The following KLF12 variants were observed in gnomAD, a reference collection of about 807,000 sequenced individuals.
KLF12 encodes the protein KLF transcription factor 12.
KLF12 carries 9 observed loss-of-function variants against 37.8 expected under a neutral mutation model. That is an observed-to-expected ratio of 0.24 (90% CI 0.14 to 0.42). The LOEUF (loss-of-function observed/expected upper bound fraction) is 0.42, where lower values mean the gene tolerates loss of function less well. Ranked by LOEUF, KLF12 falls within the 10% of genes least tolerant of loss-of-function variation. The probability of loss-of-function intolerance (pLI) is 1.00; values close to 1 mark genes in which losing one functional copy is unlikely to be tolerated. For missense variants in KLF12, 411 were observed against 516.0 expected, an observed-to-expected ratio of 0.80 and a Z score of 1.97; for synonymous variants, 208 against 202.1, an observed-to-expected ratio of 1.03 and a Z score of -0.25.
rs75094796 is a variant in KLF12, at chr13:74,082,519, T to G, written c.-32+51220A>C. Reference sequence around the variant, plus strand: ...CCACACTTGGTTCTCCCCAACCCTTTTTTTTCCAACCCCTCTGACACCCTC... The same window carrying G: ...CCACACTTGGTTCTCCCCAACCCTTGTTTTTCCAACCCCTCTGACACCCTC... On this transcript the variant is annotated intron_variant, in intron 1 of 7. Coordinates refer to ENST00000377669, the MANE Select transcript of KLF12 (RefSeq NM_007249.5). Among the ~76,000 whole-genome samples, 1,034 of 152,276 alleles carry G rather than the reference T, an allele frequency of 6.8e-3. 15 individuals carry two copies. Among genetic ancestry groups the G allele is most frequent in the African/African-American group, 0.024 (978 of 41,550 alleles).
At chr13:73,802,597 A>G (rs1317791095) in intron 5 of KLF12, among the ~76,000 whole-genome samples, 1 of 152,104 alleles carries the variant, frequency 6.6e-6, no homozygotes, top group East Asian at 1.9e-4. Flanking sequence ...ATAGTACCCA[A>G]GAGTTAATTT....
chr13:74,218,953 AAAAT>A, the KLF12 span, among the ~76,000 whole-genome samples: 8,301 of 123,122 alleles, frequency 0.067, 273 homozygotes, highest in Non-Finnish European at 0.094. Context: ...TAAACTTATA[AAAAT>A]AAGAGTTTTT....
chr13:73,898,428 ATAACCACTTCCTATT>A (rs1887889212), intron 3 of KLF12, among the ~76,000 whole-genome samples: 1 of 152,218 alleles, frequency 6.6e-6, no homozygotes, highest in African/African-American at 2.4e-5. Flanking sequence ...GAAGACAGAG[ATAACCACTTCCTATT>A]TAATGACAGT....
chr13:74,225,284 G>T, the KLF12 span, among the ~76,000 whole-genome samples: 1 of 152,092 alleles, frequency 6.6e-6, no homozygotes, highest in African/African-American at 2.4e-5. Flanking sequence ...AGATACTCAA[G>T]ACTAGAATGC....
intron 6 of KLF12, among the ~76,000 whole-genome samples, chr13:73,754,608 G>C (rs968856291): frequency 1.4e-4 from 21 of 152,092 alleles, no homozygotes; most frequent in African/African-American, 4.3e-4. Context: ...AAATAACTGA[G>C]ATTATATTGT....
At chr13:73,950,194 A>T (rs1019583103) in intron 2 of KLF12, among the ~76,000 whole-genome samples, 5 of 152,034 alleles carry the variant, frequency 3.3e-5, no homozygotes, top group African/African-American at 9.7e-5. Context: ...CTAATATTTT[A>T]AAAAATATTT....
the KLF12 span, chr13:74,231,363 ATGTCTTCTTT>A: frequency 2.0e-5 from 3 of 152,342 alleles, no homozygotes; most frequent in East Asian, 5.8e-4. Flanking sequence ...TATCTTACCA[ATGTCTTCTTT>A]TGTTCTTACT....
At chr13:73,840,899 C>T (rs1884699317) in intron 4 of KLF12, among the ~76,000 whole-genome samples, 1 of 152,232 alleles carries the variant, frequency 6.6e-6, no homozygotes, top group African/African-American at 2.4e-5. Context: ...GCCATACTCA[C>T]TCATGCCTCA....
chr13:74,251,865 G>T, the KLF12 span, among the ~76,000 whole-genome samples: 1 of 152,216 alleles, frequency 6.6e-6, no homozygotes, highest in African/African-American at 2.4e-5. Context: ...CAGGCTGCAT[G>T]ACTTAAGACA....
chr13:73,705,147 T>TGCA (rs1253783404), intron 7 of KLF12, among the ~76,000 whole-genome samples: 1 of 152,254 alleles, frequency 6.6e-6, no homozygotes. Context: ...AACGTGTGAC[T>TGCA]GAGCCTTGTA....
intron 1 of KLF12, among the ~76,000 whole-genome samples, chr13:74,006,313 C>G (rs1892406774): frequency 6.6e-6 from 1 of 152,156 alleles, no homozygotes; most frequent in African/African-American, 2.4e-5. Flanking sequence ...TGAAGATTCT[C>G]TCTCCCTACA....
chr13:73,725,808 G>T (rs7996116), intron 6 of KLF12, among the ~76,000 whole-genome samples: 22,706 of 151,196 alleles, frequency 0.15, 2,766 homozygotes, highest in African/African-American at 0.34. Flanking sequence ...AACTCTTGGA[G>T]TTTTAGATTC....
intron 2 of KLF12, among the ~76,000 whole-genome samples, chr13:73,981,538 T>C (rs1891688522): frequency 6.6e-6 from 1 of 152,210 alleles, no homozygotes; most frequent in South Asian, 2.1e-4. Context: ...GTACTATTCA[T>C]ATGTCTCAAA....
At chr13:73,827,118 A>G (rs11843233) in intron 4 of KLF12, among the ~76,000 whole-genome samples, 38,108 of 152,104 alleles carry the variant, frequency 0.25, 4,979 homozygotes, top group East Asian at 0.49. Flanking sequence ...TTCATTTAAC[A>G]TTGTATTTTT....
chr13:73,749,787 T>C (rs979582274), intron 6 of KLF12, among the ~76,000 whole-genome samples: 1 of 152,208 alleles, frequency 6.6e-6, no homozygotes, highest in African/African-American at 2.4e-5. Context: ...AGGAAACTTA[T>C]GAAAGTTGGT....
chr13:73,734,071 A>G (rs1877263640), intron 6 of KLF12, among the ~76,000 whole-genome samples: 1 of 152,096 alleles, frequency 6.6e-6, no homozygotes, highest in Non-Finnish European at 1.5e-5. Context: ...ATCCATTTCA[A>G]CTCAGTGCCT....
chr13:73,892,482 T>C lies in KLF12; in HGVS notation c.124-46109A>G, dbSNP rs1004267184. Among the ~76,000 whole-genome samples the C allele has an allele frequency of 2.6e-5, 4 of 152,312 alleles. No homozygotes were observed. In the East Asian group the frequency reaches 7.7e-4, roughly 29 times the overall value. On this transcript the variant is annotated intron_variant, in intron 3 of 7. Coordinates refer to ENST00000377669, the MANE Select transcript of KLF12 (RefSeq NM_007249.5). The stretch of plus-strand genomic sequence containing the variant: ...AGACATTTTACCACCACTAAGACTT[T>C]ATCTACTCTAGCAGGTATTTAAGTA...
intron 1 of KLF12, among the ~76,000 whole-genome samples, chr13:74,103,100 G>C (rs771712316): frequency 2.6e-5 from 4 of 152,244 alleles, no homozygotes; most frequent in South Asian, 2.1e-4. Context: ...TAATGGGAGA[G>C]AGGGGTATGT....
At chr13:74,076,336 AT>A (rs1303618112) in intron 1 of KLF12, among the ~76,000 whole-genome samples, 2 of 152,202 alleles carry the variant, frequency 1.3e-5, no homozygotes, top group Non-Finnish European at 2.9e-5. Flanking sequence ...AAGTAGAGAA[AT>A]TTTTTTCCTC....
Sources: gnomAD v4.1 joint callset for allele counts (sites outside exome capture counted in the v4.1 genomes callset) on GRCh38, gnomAD v4.1.1 for gene constraint, MANE v1.5 for transcripts, NCBI Gene and HGNC (gene_info 2026-07-23, HGNC 2026-07-21) for gene names.